The following RANBP2 variants were observed in gnomAD, a reference collection of about 807,000 sequenced individuals.
RANBP2 encodes E3 SUMO-protein ligase RanBP2.
A neutral mutation model predicts 303.6 loss-of-function variants in RANBP2; 57 were observed. The ratio of observed to expected loss-of-function variants is 0.19; its 90% CI spans 0.15 to 0.23. RANBP2 has a LOEUF of 0.23. Ranked by LOEUF, RANBP2 falls within the 10% of genes least tolerant of loss-of-function variation. The pLI is 1.00. For synonymous variants in RANBP2, 1,167 were observed against 1,301.5 expected, an observed-to-expected ratio of 0.90 and a Z score of 2.23; for missense variants, 3,138 against 3,780.8, an observed-to-expected ratio of 0.83 and a Z score of 4.46.
chr2:109,153,393 C>G, the RANBP2 span, among the ~76,000 whole-genome samples: 1 of 152,146 alleles, frequency 6.6e-6, no homozygotes. Flanking sequence ...TTTGGAAAGG[C>G]AATTACGCTG....
the RANBP2 span, among the ~76,000 whole-genome samples, chr2:109,292,624 G>T: frequency 6.6e-6 from 1 of 152,064 alleles, no homozygotes; most frequent in Non-Finnish European, 1.5e-5. Flanking sequence ...CTTTCCTCTT[G>T]CCAATTTTCT....
chr2:109,172,788 G>A, the RANBP2 span, among the ~76,000 whole-genome samples: 3 of 152,228 alleles, frequency 2.0e-5, no homozygotes, highest in Admixed American at 6.5e-5. Context: ...TGTGGGTTAC[G>A]GAAGTGGTCT....
the RANBP2 span, among the ~76,000 whole-genome samples, chr2:108,985,514 A>G: frequency 3.3e-3 from 499 of 152,328 alleles, 2 homozygotes; most frequent in African/African-American, 0.011. Flanking sequence ...TTTCTCGGAA[A>G]TGGAAAACAA....
At chr2:109,190,014 T>C in the RANBP2 span, among the ~76,000 whole-genome samples, 3 of 152,246 alleles carry the variant, frequency 2.0e-5, no homozygotes, top group Non-Finnish European at 2.9e-5. Flanking sequence ...GGAAGAAGTC[T>C]ACAGAACTAA....
chr2:109,614,817 G>C, the RANBP2 span: 2 of 1,453,856 alleles, frequency 1.4e-6, no homozygotes, highest in African/African-American at 3.0e-5. Context: ...CGACGGCCCT[G>C]CCGGGCCCGA....
At chr2:109,670,040 C>T in the RANBP2 span, among the ~76,000 whole-genome samples, 317 of 152,270 alleles carry the variant, frequency 2.1e-3, 1 homozygote, top group Non-Finnish European at 3.7e-3. Flanking sequence ...TGCAGTGAGG[C>T]GAGCCACGAT....
At chr2:109,724,400 G>A in the RANBP2 span, among the ~76,000 whole-genome samples, 11 of 152,174 alleles carry the variant, frequency 7.2e-5, no homozygotes, top group Non-Finnish European at 1.6e-4. Flanking sequence ...CTACCTATGA[G>A]CATGGAATGT....
chr2:108,810,474 T>A, the RANBP2 span, among the ~76,000 whole-genome samples: 285 of 152,362 alleles, frequency 1.9e-3, 3 homozygotes, highest in African/African-American at 6.6e-3. Flanking sequence ...ATTTTTTTAT[T>A]TGCATATTTG....
chr2:109,394,283 G>T, the RANBP2 span, among the ~76,000 whole-genome samples: 2 of 152,244 alleles, frequency 1.3e-5, no homozygotes, highest in Non-Finnish European at 2.9e-5. Context: ...AGCCACTCGA[G>T]GTCACAGAGA....
chr2:109,606,807 G>A, the RANBP2 span, among the ~76,000 whole-genome samples: 5 of 149,828 alleles, frequency 3.3e-5, no homozygotes, highest in African/African-American at 9.9e-5. Flanking sequence ...AGCCTCCCGA[G>A]TAGCTGGGAC....
chr2:108,828,578 C>T, the RANBP2 span, among the ~76,000 whole-genome samples: 5 of 152,150 alleles, frequency 3.3e-5, no homozygotes, highest in African/African-American at 1.2e-4. Context: ...GACAAGCGTA[C>T]GGAGACCACT....
At chr2:109,686,738 AG>A in the RANBP2 span, among the ~76,000 whole-genome samples, 1 of 152,014 alleles carries the variant, frequency 6.6e-6, no homozygotes, top group African/African-American at 2.4e-5. Flanking sequence ...CAGCCTCCTG[AG>A]TAGCTGGGAC....
At chr2:109,465,576 C>T in the RANBP2 span, among the ~76,000 whole-genome samples, 1 of 152,326 alleles carries the variant, frequency 6.6e-6, no homozygotes, top group South Asian at 2.1e-4. Context: ...TCCCTAATGA[C>T]ATCTGTATTA....
chr2:109,157,007 A>C, the RANBP2 span, among the ~76,000 whole-genome samples: 1 of 152,304 alleles, frequency 6.6e-6, no homozygotes, highest in East Asian at 1.9e-4. Flanking sequence ...TAAATGACAT[A>C]TTACTCCAGG....
At chr2:109,545,722 G>C in the RANBP2 span, 1 of 1,442,538 alleles carries the variant, frequency 6.9e-7, no homozygotes, top group Non-Finnish European at 9.0e-7. Flanking sequence ...CATTAGCTGT[G>C]TACTAGGGCC....
At chr2:109,006,538 T>C in the RANBP2 span, among the ~76,000 whole-genome samples, 1 of 152,162 alleles carries the variant, frequency 6.6e-6, no homozygotes, top group African/African-American at 2.4e-5. Context: ...ACAGGATAAT[T>C]TCACGTGTAT....
At chr2:109,360,967 T>C in the RANBP2 span, among the ~76,000 whole-genome samples, 1 of 152,242 alleles carries the variant, frequency 6.6e-6, no homozygotes, top group Non-Finnish European at 1.5e-5. Context: ...AGGTTATTTG[T>C]AGATGTTCTT....
chr2:108,850,137 C>T, the RANBP2 span, among the ~76,000 whole-genome samples: 1 of 152,080 alleles, frequency 6.6e-6, no homozygotes, highest in Non-Finnish European at 1.5e-5. Context: ...GTTAAATATA[C>T]TGAAAAAAAT....
chr2:108,941,273 T>A, the RANBP2 span, among the ~76,000 whole-genome samples: 1 of 152,132 alleles, frequency 6.6e-6, no homozygotes, highest in African/African-American at 2.4e-5. Flanking sequence ...TGCAAAATGG[T>A]TTTTGGTTGT....
Sources: allele counts gnomAD v4.1 joint callset (sites outside exome capture counted in the v4.1 genomes callset), GRCh38; gene constraint gnomAD v4.1.1; transcripts MANE v1.5; gene names NCBI Gene and HGNC (gene_info 2026-07-23, HGNC 2026-07-21).